The following CTNNA3 variants were observed in gnomAD, a reference collection of about 807,000 sequenced individuals.
CTNNA3 encodes the protein catenin alpha 3.
Under a neutral mutation model 95.7 loss-of-function variants are expected in CTNNA3, and 76 were observed. The observed-to-expected ratio is 0.79, with a 90% CI of 0.66 to 0.96. The LOEUF is 0.96. Among genes scored for constraint, CTNNA3 ranks in the 40% least tolerant of loss-of-function variants. The pLI, the probability that CTNNA3 is intolerant of heterozygous loss-of-function variation, is 0.00. For missense variants in CTNNA3, 1,191 were observed against 1,089.8 expected, an observed-to-expected ratio of 1.09 and a Z score of -1.31; for synonymous variants, 431 against 374.4, an observed-to-expected ratio of 1.15 and a Z score of -1.74.
intron 5 of CTNNA3, among the ~76,000 whole-genome samples, chr10:67,375,547 A>T (rs945206496): frequency 6.6e-6 from 1 of 152,134 alleles, no homozygotes; most frequent in African/African-American, 2.4e-5. Flanking sequence ...CGGGAGGCAG[A>T]AGTTGCAGTG....
intron 11 of CTNNA3, among the ~76,000 whole-genome samples, chr10:66,444,186 A>C (rs1781967931): frequency 6.6e-6 from 1 of 152,216 alleles, no homozygotes; most frequent in African/African-American, 2.4e-5. Context: ...AAAAGACCAA[A>C]TCTATATCTG....
At chr10:66,301,494 T>C (rs1029026745) in intron 12 of CTNNA3, among the ~76,000 whole-genome samples, 68 of 151,876 alleles carry the variant, frequency 4.5e-4, no homozygotes, top group Non-Finnish European at 1.5e-5. Flanking sequence ...ATATAAATAA[T>C]TTTATTATAA....
intron 7 of CTNNA3, among the ~76,000 whole-genome samples, chr10:67,032,812 C>A (rs1853817059): frequency 6.6e-6 from 1 of 152,152 alleles, no homozygotes; most frequent in Non-Finnish European, 1.5e-5. Context: ...GCTCCCCTAT[C>A]AGACCACACT....
rs1004022180 is a variant in CTNNA3, at chr10:66,693,499, C to T, written c.1282-71715G>A. ...ACCTACAACGAGACTTAGACTCCCACACAATAATAATGAGAGACTTTAACA... is the reference window on the plus strand; with the variant it reads ...ACCTACAACGAGACTTAGACTCCCATACAATAATAATGAGAGACTTTAACA... On this transcript the variant is annotated intron_variant, in intron 9 of 17. Transcript: ENST00000433211. Among the ~76,000 whole-genome samples the T allele has an allele frequency of 2.9e-4, 44 of 151,536 alleles. 1 individual carries two copies. The highest frequency in any genetic ancestry group is 1.0e-3 in the African/African-American group (43 of 41,144).
chr10:65,958,766 AG>A (rs2077782903), intron 17 of CTNNA3, among the ~76,000 whole-genome samples: 1 of 152,102 alleles, frequency 6.6e-6, no homozygotes, highest in African/African-American at 2.4e-5. Context: ...TTTGTCTCAG[AG>A]GGGCAACCAG....
At chr10:66,503,554 T>C (rs535677218) in intron 11 of CTNNA3, among the ~76,000 whole-genome samples, 11 of 152,022 alleles carry the variant, frequency 7.2e-5, no homozygotes, top group Non-Finnish European at 1.6e-4. Flanking sequence ...CTGTAACCTC[T>C]GCCTCCCGGG....
At chr10:66,000,111 T>G (rs570384566) in intron 15 of CTNNA3, among the ~76,000 whole-genome samples, 1 of 151,914 alleles carries the variant, frequency 6.6e-6, no homozygotes, top group African/African-American at 2.4e-5. Flanking sequence ...TAAAACATTA[T>G]GGGTTAGAAA....
At chr10:66,691,941 C>T (rs551937494) in intron 9 of CTNNA3, among the ~76,000 whole-genome samples, 1 of 152,188 alleles carries the variant, frequency 6.6e-6, no homozygotes, top group East Asian at 1.9e-4. Flanking sequence ...GAAAGGACAT[C>T]CACACCAAAA....
intron 7 of CTNNA3, among the ~76,000 whole-genome samples, chr10:67,044,154 C>A (rs1444237089): frequency 6.6e-6 from 1 of 151,910 alleles, no homozygotes; most frequent in Non-Finnish European, 1.5e-5. Context: ...TTCACATGTA[C>A]CCCATGGCTA....
At chr10:67,030,586 T>A (rs549362320) in intron 7 of CTNNA3, among the ~76,000 whole-genome samples, 1 of 148,554 alleles carries the variant, frequency 6.7e-6, no homozygotes, top group South Asian at 2.1e-4. Context: ...TTTATGAAGA[T>A]AAATATCTGA....
chr10:67,759,702 G>A (rs1050160359), intron 1 of CTNNA3, among the ~76,000 whole-genome samples: 1 of 152,114 alleles, frequency 6.6e-6, no homozygotes, highest in Admixed American at 6.6e-5. Flanking sequence ...CATTGTAGCA[G>A]ACTATAGAGG....
At chr10:66,380,478 T>C (rs1564912552) in intron 11 of CTNNA3, among the ~76,000 whole-genome samples, 1 of 151,770 alleles carries the variant, frequency 6.6e-6, no homozygotes, top group South Asian at 2.1e-4. Context: ...AGTAGCAGCA[T>C]GTTGCTGTAG....
At chr10:67,160,621 G>A (rs1861497361) in intron 7 of CTNNA3, among the ~76,000 whole-genome samples, 1 of 151,760 alleles carries the variant, frequency 6.6e-6, no homozygotes, top group South Asian at 2.1e-4. Context: ...ATTTTTTGTA[G>A]AAACGGGGTT....
chr10:66,233,423 A>T (rs2132017039), intron 13 of CTNNA3, among the ~76,000 whole-genome samples: 1 of 152,212 alleles, frequency 6.6e-6, no homozygotes, highest in South Asian at 2.1e-4. Context: ...TTCACATTAC[A>T]CTCATCAGAC....
chr10:67,153,295 A>T (rs1404918209), intron 7 of CTNNA3, among the ~76,000 whole-genome samples: 1 of 152,304 alleles, frequency 6.6e-6, no homozygotes, highest in East Asian at 1.9e-4. Context: ...TTTACAAAAC[A>T]TTTTGATTCA....
chr10:66,970,501 GT>G (rs929296747), intron 7 of CTNNA3, among the ~76,000 whole-genome samples: 12 of 126,504 alleles, frequency 9.5e-5, no homozygotes, highest in African/African-American at 3.1e-4. Flanking sequence ...ATATTCTTGG[GT>G]GGGGGGGGGA....
intron 7 of CTNNA3, among the ~76,000 whole-genome samples, chr10:67,109,422 A>G (rs1858805562): frequency 6.6e-6 from 1 of 152,176 alleles, no homozygotes; most frequent in African/African-American, 2.4e-5. Flanking sequence ...AAAGATTCCA[A>G]TGTTTATTTT....
At chr10:67,140,846 T>C (rs1266155650) in intron 7 of CTNNA3, among the ~76,000 whole-genome samples, 1 of 152,188 alleles carries the variant, frequency 6.6e-6, no homozygotes, top group Non-Finnish European at 1.5e-5. Context: ...GCCACCACAG[T>C]AGCCTGCATG....
chr10:67,097,586 G>C (rs1183042727), intron 7 of CTNNA3: 1 of 1,611,516 alleles, frequency 6.2e-7, no homozygotes, highest in Non-Finnish European at 8.5e-7. Context: ...TTTTTCCCCA[G>C]ATACCTTTAT....
Sources: gnomAD v4.1 joint callset for allele counts (sites outside exome capture counted in the v4.1 genomes callset) on GRCh38, gnomAD v4.1.1 for gene constraint, MANE v1.5 for transcripts, NCBI Gene and HGNC (gene_info 2026-07-23, HGNC 2026-07-21) for gene names.